Variants in UBE2H observed in about 807,000 individuals in gnomAD.
UBE2H encodes ubiquitin-conjugating enzyme E2 H.
A neutral mutation model predicts 29.0 loss-of-function variants in UBE2H; 3 were observed. The ratio of observed to expected loss-of-function variants is 0.10; its 90% confidence interval spans 0.05 to 0.27. The LOEUF is 0.27. UBE2H is among the 10% of genes least tolerant of loss of function. The pLI is 1.00. For missense variants in UBE2H, 68 were observed against 228.2 expected (o/e 0.30, Z 4.52); for synonymous variants, 69 against 82.9 (o/e 0.83, Z 0.91).
At position 129,834,209 on chromosome 7, in the gene UBE2H, C is replaced by G. The variant is rs184791179; in HGVS notation, c.*728G>C. The G allele has an allele frequency of 6.6e-6, 1 of 152,292 alleles. No individual in the cohort carries two copies. Among genetic ancestry groups the G allele is most frequent in the African/African-American group, 2.4e-5 (1 of 41,550 alleles). The allele number at this position is 152,292 out of a possible 1,614,324, so 9.4% of individuals were successfully genotyped here. Reference sequence around the variant, plus strand: ...CAAAAACAGGTCTGGATTTCACGCTCTACCCCAAGAAAAAGAACTGGTTCA... The same window carrying G: ...CAAAAACAGGTCTGGATTTCACGCTGTACCCCAAGAAAAAGAACTGGTTCA... On this transcript the variant is annotated 3_prime_UTR_variant, in exon 7 of 7. Transcript: ENST00000355621.
At chr7:129,915,117 G>A (rs1431842895) in intron 1 of UBE2H, among the ~76,000 whole-genome samples, 1 of 152,088 alleles carries the variant, frequency 6.6e-6, no homozygotes, top group Non-Finnish European at 1.5e-5. Context: ...CCGAGGCTGT[G>A]AAATTAACTT....
rs58727788 is a variant in UBE2H, at chr7:129,887,218, CTT to C, written c.54-6249_54-6248del. Among the ~76,000 whole-genome samples, 284 of 103,948 alleles carry C rather than the reference CTT, an allele frequency of 2.7e-3. 2 individuals carry two copies. The East Asian group carries it at 0.039, about 14-fold the overall frequency. The allele number at this position is 103,948 out of a possible 152,430, so 68.2% of individuals were successfully genotyped here. ...ATTTAGCTACTAGAGCTCTCTTGAACTTTTTTTTTTTTTTTTTTTTTGAGATG... is the reference window on the plus strand; with the variant it reads ...ATTTAGCTACTAGAGCTCTCTTGAACTTTTTTTTTTTTTTTTTTTGAGATG... On this transcript the variant is annotated intron_variant, in intron 1 of 6. Transcript: ENST00000355621.
chr7:129,912,870 T>C (rs1181778847), intron 1 of UBE2H, among the ~76,000 whole-genome samples: 1 of 152,126 alleles, frequency 6.6e-6, no homozygotes, highest in Non-Finnish European at 1.5e-5. Context: ...TTTTTAATAA[T>C]TAATCACTAA....
chr7:129,940,564 A>T (rs1358804377), intron 1 of UBE2H, among the ~76,000 whole-genome samples: 1 of 152,210 alleles, frequency 6.6e-6, no homozygotes, highest in Non-Finnish European at 1.5e-5. Context: ...ACAGGTCAGA[A>T]GATCAGCAGC....
chr7:129,939,085 C>T (rs1470457811), intron 1 of UBE2H, among the ~76,000 whole-genome samples: 6 of 152,210 alleles, frequency 3.9e-5, no homozygotes, highest in Non-Finnish European at 8.8e-5. Context: ...AGGCATGAGC[C>T]ACCACGCCCG....
intron 3 of UBE2H, among the ~76,000 whole-genome samples, chr7:129,864,541 CT>C (rs1381534330): frequency 8.2e-6 from 1 of 122,454 alleles, no homozygotes; most frequent in Non-Finnish European, 1.7e-5. Flanking sequence ...CAGGCATTTT[CT>C]TTTTCTTTTC....
chr7:129,849,081 C>T (rs1353683375), intron 5 of UBE2H, among the ~76,000 whole-genome samples: 2 of 151,850 alleles, frequency 1.3e-5, no homozygotes, highest in Admixed American at 1.3e-4. Context: ...TGAAATTCTA[C>T]AAGAAAAGAA....
intron 1 of UBE2H, among the ~76,000 whole-genome samples, chr7:129,892,059 C>T (rs1457778399): frequency 2.0e-5 from 3 of 150,178 alleles, no homozygotes; most frequent in African/African-American, 7.3e-5. Flanking sequence ...TTCACGCCAT[C>T]CTCCTGCCTC....
intron 1 of UBE2H, among the ~76,000 whole-genome samples, chr7:129,894,263 G>T (rs1465026156): frequency 6.6e-6 from 1 of 152,096 alleles, no homozygotes; most frequent in Non-Finnish European, 1.5e-5. Flanking sequence ...ATACCAGCTT[G>T]GGCAATATGG....
chr7:129,945,618 GA>G (rs1390839896), intron 1 of UBE2H, among the ~76,000 whole-genome samples: 3 of 152,036 alleles, frequency 2.0e-5, no homozygotes, highest in Non-Finnish European at 4.4e-5. Context: ...CCCATTTCGG[GA>G]AAACAGAAAT....
chr7:129,919,495 C>G (rs1563046140), intron 1 of UBE2H, among the ~76,000 whole-genome samples: 1 of 152,172 alleles, frequency 6.6e-6, no homozygotes, highest in Non-Finnish European at 1.5e-5. Flanking sequence ...GTCATGAACA[C>G]TCATTAAGTT....
At chr7:129,857,691 G>T in intron 4 of UBE2H, 128 bp from the exon 5 acceptor site, 1 of 998,798 alleles carries the variant, frequency 1.0e-6, no homozygotes, top group Non-Finnish European at 1.5e-6. Context: ...ATCCCAATTG[G>T]GGAAAAGTAT....
At chr7:129,930,414 T>G (rs529197674) in intron 1 of UBE2H, among the ~76,000 whole-genome samples, 2 of 152,194 alleles carry the variant, frequency 1.3e-5, no homozygotes, top group East Asian at 3.9e-4. Context: ...CCTGCCCACC[T>G]TGGCCTCCCA....
chr7:129,835,128 A>G, intron 6 of UBE2H, 67 bp from the exon 7 acceptor site: 1 of 1,605,942 alleles, frequency 6.2e-7, no homozygotes, highest in South Asian at 1.1e-5. Flanking sequence ...GCGACCCCAA[A>G]AAGCTGGCAA....
At chr7:129,854,708 T>A (rs183204002) in intron 5 of UBE2H, among the ~76,000 whole-genome samples, 14 of 152,356 alleles carry the variant, frequency 9.2e-5, no homozygotes, top group Non-Finnish European at 1.9e-4. Flanking sequence ...ATTTCACTCC[T>A]AGGTATATAC....
At chr7:129,882,482 A>G (rs985924907) in intron 1 of UBE2H, among the ~76,000 whole-genome samples, 1 of 152,248 alleles carries the variant, frequency 6.6e-6, no homozygotes, top group African/African-American at 2.4e-5. Flanking sequence ...CACAGAACTG[A>G]CTGCAAGAGG....
chr7:129,943,683 C>T (rs1807693817), intron 1 of UBE2H, among the ~76,000 whole-genome samples: 1 of 152,094 alleles, frequency 6.6e-6, no homozygotes, highest in South Asian at 2.1e-4. Context: ...GGCGGATCAC[C>T]TGAGGTCAAG....
At chr7:129,941,434 C>G (rs1807640369) in intron 1 of UBE2H, among the ~76,000 whole-genome samples, 1 of 152,080 alleles carries the variant, frequency 6.6e-6, no homozygotes, top group South Asian at 2.1e-4. Context: ...TGCGTCTGGC[C>G]AAGACACTGG....
intron 1 of UBE2H, among the ~76,000 whole-genome samples, chr7:129,923,840 G>A (rs1807212475): frequency 6.6e-6 from 1 of 152,186 alleles, no homozygotes; most frequent in Non-Finnish European, 1.5e-5. Context: ...GGAACTGTAA[G>A]TTTCCATCAA....
Sources: gnomAD v4.1 joint callset for allele counts (sites outside exome capture counted in the v4.1 genomes callset) on GRCh38, gnomAD v4.1.1 for gene constraint, MANE v1.5 for transcripts, NCBI Gene and HGNC (gene_info 2026-07-23, HGNC 2026-07-21) for gene names.